Variants in RSRC1 observed in about 807,000 individuals in gnomAD.
RSRC1 encodes arginine and serine rich coiled-coil 1, also known as serine/Arginine-related protein 53.
Under a neutral mutation model 49.1 loss-of-function variants are expected in RSRC1, and 39 were observed. That is an observed-to-expected ratio of 0.79 (90% confidence interval 0.61 to 1.04). RSRC1 has a LOEUF of 1.04. Ranked by LOEUF, RSRC1 falls within the 50% of genes least tolerant of loss-of-function variation. The pLI, the probability that RSRC1 is intolerant of heterozygous loss-of-function variation, is 0.00. For missense variants in RSRC1, 388 were observed against 402.4 expected, an observed-to-expected ratio of 0.96 and a Z score of 0.31; for synonymous variants, 143 against 130.8, an observed-to-expected ratio of 1.09 and a Z score of -0.63.
intron 5 of RSRC1, among the ~76,000 whole-genome samples, chr3:158,339,136 C>CA (rs1443461201): frequency 6.6e-6 from 1 of 150,812 alleles, no homozygotes; most frequent in Non-Finnish European, 1.5e-5. Context: ...ACTAAAAATA[C>CA]AAAAAATTAG....
intron 5 of RSRC1, among the ~76,000 whole-genome samples, chr3:158,309,410 TTGGTCTGATTTTCTATTTTTTGAACTA>T (rs1728011853): frequency 6.6e-6 from 1 of 151,890 alleles, no homozygotes; most frequent in Non-Finnish European, 1.5e-5. Flanking sequence ...TTTATAATTA[TTGGTCTGATTTTCTATTTTTTGAACTA>T]TGATAAAAAT....
intron 4 of RSRC1, among the ~76,000 whole-genome samples, chr3:158,284,835 T>A (rs1177466246): frequency 6.7e-6 from 1 of 149,866 alleles, no homozygotes; most frequent in Admixed American, 6.6e-5. Context: ...TTCTCCCATT[T>A]TGTAGGTTGC....
At chr3:158,340,348 C>G (rs1465581093) in intron 5 of RSRC1, among the ~76,000 whole-genome samples, 1 of 152,124 alleles carries the variant, frequency 6.6e-6, no homozygotes, top group Non-Finnish European at 1.5e-5. Flanking sequence ...CAAGACCAGC[C>G]TGCCCAATAT....
chr3:158,169,167 C>T (rs551473195), intron 3 of RSRC1, among the ~76,000 whole-genome samples: 44 of 152,132 alleles, frequency 2.9e-4, no homozygotes, highest in Non-Finnish European at 5.3e-4. Flanking sequence ...TAAGAGACCA[C>T]CAACCACAAA....
chr3:158,452,857 C>T (rs546561593), intron 6 of RSRC1, among the ~76,000 whole-genome samples: 6 of 152,094 alleles, frequency 3.9e-5, no homozygotes, highest in Non-Finnish European at 8.8e-5. Flanking sequence ...AAAGTGTGAC[C>T]ACTGCAGTTG....
chr3:158,257,060 GTC>G (rs1724606434), intron 4 of RSRC1, among the ~76,000 whole-genome samples: 2 of 152,090 alleles, frequency 1.3e-5, no homozygotes, highest in Admixed American at 1.3e-4. Flanking sequence ...GGTTTTTTGT[GTC>G]TCTATCTCCT....
At chr3:158,373,499 T>C (rs1201617737) in intron 6 of RSRC1, among the ~76,000 whole-genome samples, 1 of 152,016 alleles carries the variant, frequency 6.6e-6, no homozygotes, top group African/African-American at 2.4e-5. Flanking sequence ...ATGTATTTTC[T>C]TCTTTATACT....
At chr3:158,216,051 A>G (rs1390795197) in intron 4 of RSRC1, among the ~76,000 whole-genome samples, 3 of 151,518 alleles carry the variant, frequency 2.0e-5, no homozygotes, top group Non-Finnish European at 3.0e-5. Flanking sequence ...TTTGTGTGAA[A>G]ATATCTGTAT....
intron 7 of RSRC1, among the ~76,000 whole-genome samples, chr3:158,511,861 C>T (rs202173852): frequency 0.2 from 30,448 of 151,926 alleles, 3,725 homozygotes; most frequent in African/African-American, 0.35. Flanking sequence ...ATTTGCATTT[C>T]TCTGATGGCC....
At chr3:158,504,437 G>A (rs1739760833) in intron 7 of RSRC1, among the ~76,000 whole-genome samples, 1 of 152,172 alleles carries the variant, frequency 6.6e-6, no homozygotes, top group Non-Finnish European at 1.5e-5. Flanking sequence ...TATTTTAATG[G>A]TATAGCCAAT....
rs1559941235 is a variant in RSRC1, at chr3:158,202,570, A to ATATATATATATATATATATG, written c.321-491_321-490insATATATATGTATATATATAT. Among the ~76,000 whole-genome samples, 21 of 139,218 alleles carry ATATATATATATATATATATG rather than the reference A, an allele frequency of 1.5e-4. 2 individuals are homozygous for ATATATATATATATATATATG. The highest frequency in any genetic ancestry group is 5.9e-4 in the African/African-American group (21 of 35,378). The allele number at this position is 139,218 out of a possible 152,430, so 91.3% of individuals were successfully genotyped here. ...GTTGTCAGTCTGGTAGATTATATAT[A>ATATATATATATATATATATG]TATATATATATGTTTTATCAATATT... On this transcript the variant is annotated intron_variant, in intron 3 of 9. Transcript: ENST00000611884.
At chr3:158,257,971 C>T (rs1053010474) in intron 4 of RSRC1, among the ~76,000 whole-genome samples, 3 of 151,998 alleles carry the variant, frequency 2.0e-5, no homozygotes, top group Non-Finnish European at 2.9e-5. Context: ...TAACCTTGTC[C>T]TGTCTCTATT....
At chr3:158,511,617 T>G (rs1226323309) in intron 7 of RSRC1, among the ~76,000 whole-genome samples, 1 of 152,242 alleles carries the variant, frequency 6.6e-6, no homozygotes, top group Non-Finnish European at 1.5e-5. Context: ...GCATGATTTA[T>G]AGTCCTTTGG....
chr3:158,542,883 C>T (rs931112469), intron 8 of RSRC1, among the ~76,000 whole-genome samples: 1 of 152,004 alleles, frequency 6.6e-6, no homozygotes, highest in African/African-American at 2.4e-5. Flanking sequence ...ACTTTTCATA[C>T]CTAAATTGGC....
chr3:158,349,772 AT>A (rs1730762874), intron 5 of RSRC1, among the ~76,000 whole-genome samples: 1 of 131,432 alleles, frequency 7.6e-6, no homozygotes, highest in Non-Finnish European at 1.5e-5. Flanking sequence ...ATCTCGGCTC[AT>A]TGCAATGTCT....
intron 4 of RSRC1, among the ~76,000 whole-genome samples, chr3:158,205,237 T>A (rs1377141228): frequency 6.6e-6 from 1 of 152,126 alleles, no homozygotes; most frequent in Non-Finnish European, 1.5e-5. Context: ...AGTGTTGTGT[T>A]AGGGTGCCCT....
chr3:158,459,920 A>G (rs1371058834), intron 6 of RSRC1, among the ~76,000 whole-genome samples: 1 of 151,938 alleles, frequency 6.6e-6, no homozygotes, highest in Non-Finnish European at 1.5e-5. Context: ...TGTGACATAT[A>G]TTTTATATAA....
intron 5 of RSRC1, among the ~76,000 whole-genome samples, chr3:158,312,186 C>G (rs755998436): frequency 1.3e-5 from 2 of 150,730 alleles, no homozygotes; most frequent in African/African-American, 5.0e-5. Flanking sequence ...GCAAAAGACT[C>G]ATTCCTACTC....
rs1722698065 is a variant in RSRC1 at position 158,228,934 on chromosome 3, A to ACACG, written c.494+25689_494+25690insCACG. On this transcript the variant is annotated intron_variant, in intron 4 of 9. Transcript: ENST00000611884. ...CGTGTATATGTGTGTATAAACACAC[A>ACACG]TACGTGTATATGTGTGTATAAACAC... Among the ~76,000 whole-genome samples the ACACG allele has an allele frequency of 3.4e-5, 4 of 116,424 alleles. 2 individuals are homozygous for ACACG. In the South Asian group the frequency reaches 1.2e-3, roughly 34 times the overall value. The allele number at this position is 116,424 out of a possible 152,430, so 76.4% of individuals were successfully genotyped here.
Sources: allele counts gnomAD v4.1 joint callset (sites outside exome capture counted in the v4.1 genomes callset), GRCh38; gene constraint gnomAD v4.1.1; transcripts MANE v1.5; gene names NCBI Gene and HGNC (gene_info 2026-07-23, HGNC 2026-07-21).